SLC35D4: variants seen among roughly 807,000 people sequenced by gnomAD.
SLC35D4 encodes solute carrier family 35 member D4, also known as UDP-N-acetylglucosamine transporter SLC35D4.
At chr18:23,355,128 G>A in the SLC35D4 span, among the ~76,000 whole-genome samples, 1 of 152,178 alleles carries the variant, frequency 6.6e-6, no homozygotes, top group African/African-American at 2.4e-5. Flanking sequence ...TCCTCAAAGA[G>A]GCTGAGCTCT....
the SLC35D4 span, among the ~76,000 whole-genome samples, chr18:23,387,716 C>A: frequency 1.3e-5 from 2 of 152,132 alleles, no homozygotes; most frequent in East Asian, 3.8e-4. Flanking sequence ...TCTTGCCTTA[C>A]ATTTTTCTTA....
chr18:23,244,566 G>A, the SLC35D4 span, among the ~76,000 whole-genome samples: 1 of 152,240 alleles, frequency 6.6e-6, no homozygotes, highest in African/African-American at 2.4e-5. Flanking sequence ...ATTTAGTCGA[G>A]GGCCACCGTT....
the SLC35D4 span, among the ~76,000 whole-genome samples, chr18:23,437,404 G>A: frequency 6.6e-6 from 1 of 152,010 alleles, no homozygotes; most frequent in Non-Finnish European, 1.5e-5. Flanking sequence ...CTGGGACAGG[G>A]GCGTGTTTAG....
chr18:23,359,043 C>G, the SLC35D4 span, among the ~76,000 whole-genome samples: 4 of 152,152 alleles, frequency 2.6e-5, no homozygotes, highest in African/African-American at 4.8e-5. Flanking sequence ...CACTCCTGCA[C>G]CATCTAGTGC....
the SLC35D4 span, among the ~76,000 whole-genome samples, chr18:23,314,652 A>C: frequency 1.3e-5 from 2 of 152,254 alleles, no homozygotes; most frequent in Non-Finnish European, 2.9e-5. Context: ...GCAACTAGCC[A>C]TTCAAGAAGA....
the SLC35D4 span, among the ~76,000 whole-genome samples, chr18:23,402,300 G>A: frequency 1.3e-5 from 2 of 152,158 alleles, no homozygotes; most frequent in African/African-American, 4.8e-5. Flanking sequence ...AAAGACTCTT[G>A]ATTTATATTG....
At chr18:23,395,865 A>T in the SLC35D4 span, among the ~76,000 whole-genome samples, 1 of 152,180 alleles carries the variant, frequency 6.6e-6, no homozygotes, top group African/African-American at 2.4e-5. Flanking sequence ...AGTCCAACTC[A>T]CACTTCATCA....
the SLC35D4 span, among the ~76,000 whole-genome samples, chr18:23,354,102 C>A: frequency 6.6e-5 from 10 of 152,100 alleles, no homozygotes; most frequent in African/African-American, 2.4e-4. Context: ...ACTGTGTGGC[C>A]AGAGCCATAG....
the SLC35D4 span, among the ~76,000 whole-genome samples, chr18:23,340,202 TGGTG>T: frequency 6.6e-6 from 1 of 151,934 alleles, no homozygotes; most frequent in Non-Finnish European, 1.5e-5. Context: ...CCTGGCATGG[TGGTG>T]CGTGCCTATA....
chr18:23,375,557 T>TC, the SLC35D4 span, among the ~76,000 whole-genome samples: 1 of 152,054 alleles, frequency 6.6e-6, no homozygotes, highest in Non-Finnish European at 1.5e-5. Context: ...TTTAAACTTT[T>TC]CCCCCCGTAA....
At chr18:23,265,263 C>T in the SLC35D4 span, among the ~76,000 whole-genome samples, 6 of 152,220 alleles carry the variant, frequency 3.9e-5, no homozygotes, top group East Asian at 5.8e-4. Context: ...GTGTGTTCCA[C>T]GGCCCAGCCT....
the SLC35D4 span, among the ~76,000 whole-genome samples, chr18:23,353,284 T>A: frequency 6.6e-6 from 1 of 152,098 alleles, no homozygotes; most frequent in Non-Finnish European, 1.5e-5. Context: ...TTCATTTGCA[T>A]CTCCAGACCC....
the SLC35D4 span, among the ~76,000 whole-genome samples, chr18:23,374,081 A>G: frequency 6.6e-6 from 1 of 152,236 alleles, no homozygotes; most frequent in Admixed American, 6.5e-5. Context: ...TAATAAAACA[A>G]GTGTTTTTTC....
chr18:23,253,024 A>C, the SLC35D4 span: 2 of 1,613,884 alleles, frequency 1.2e-6, no homozygotes, highest in Non-Finnish European at 1.7e-6. Flanking sequence ...ACCTTCAAGG[A>C]GAAGTTTCCT....
the SLC35D4 span, among the ~76,000 whole-genome samples, chr18:23,300,350 TG>T: frequency 6.6e-6 from 1 of 152,174 alleles, no homozygotes; most frequent in Non-Finnish European, 1.5e-5. Context: ...CACGGAGCTT[TG>T]GGTTTGGGAG....
the SLC35D4 span, among the ~76,000 whole-genome samples, chr18:23,419,411 G>C: frequency 6.6e-6 from 1 of 151,968 alleles, no homozygotes; most frequent in African/African-American, 2.4e-5. Flanking sequence ...TCCTGCCTCA[G>C]CCTTTCAAGT....
chr18:23,250,148 A>G, the SLC35D4 span, among the ~76,000 whole-genome samples: 1 of 152,208 alleles, frequency 6.6e-6, no homozygotes, highest in Non-Finnish European at 1.5e-5. Context: ...AGGCACTTCA[A>G]CAGAACCCAG....
the SLC35D4 span, among the ~76,000 whole-genome samples, chr18:23,384,233 G>GGGAA: frequency 1.3e-5 from 2 of 152,110 alleles, no homozygotes; most frequent in African/African-American, 2.4e-5. Flanking sequence ...TGAGGCTGCA[G>GGGAA]GGAACTATTA....
At chr18:23,252,959 G>A in the SLC35D4 span, 1 of 1,601,416 alleles carries the variant, frequency 6.2e-7, no homozygotes, top group Non-Finnish European at 8.6e-7. Context: ...GTCTGTTACA[G>A]ACAACAGTGA....
Sources: gnomAD v4.1 joint callset for allele counts (sites outside exome capture counted in the v4.1 genomes callset) on GRCh38, gnomAD v4.1.1 for gene constraint, MANE v1.5 for transcripts, NCBI Gene and HGNC (gene_info 2026-07-23, HGNC 2026-07-21) for gene names.